The following TEX2 variants were observed in gnomAD, a reference collection of about 807,000 sequenced individuals.
TEX2 encodes testis expressed 2, also known as testis-expressed protein 2.
A neutral mutation model predicts 106.9 loss-of-function variants in TEX2; 53 were observed. That is an observed-to-expected ratio of 0.50 (90% CI 0.40 to 0.62). TEX2 has a LOEUF of 0.62. Ranked by LOEUF, TEX2 falls within the 20% of genes least tolerant of loss-of-function variation. The probability of loss-of-function intolerance (pLI) is 0.00; values close to 1 mark genes in which losing one functional copy is unlikely to be tolerated. For missense variants in TEX2, 1,207 were observed against 1,379.0 expected (o/e 0.88, Z 1.98); for synonymous variants, 523 against 534.8 (o/e 0.98, Z 0.30).
intron 2 of TEX2, among the ~76,000 whole-genome samples, chr17:64,200,794 T>C (rs1251361631): frequency 2.0e-5 from 3 of 152,210 alleles, no homozygotes; most frequent in Non-Finnish European, 4.4e-5. Flanking sequence ...TGCGAAAGCC[T>C]GGAGGGGACC....
At chr17:64,255,590 T>C (rs1175163977) in intron 1 of TEX2, 4 of 152,218 alleles carry the variant, frequency 2.6e-5, no homozygotes, top group Non-Finnish European at 5.9e-5. Context: ...CAAAAGATAT[T>C]TTGAAAAACT....
chr17:64,186,536 G>A (rs1395853877), intron 5 of TEX2, among the ~76,000 whole-genome samples: 6 of 152,188 alleles, frequency 3.9e-5, no homozygotes, highest in Admixed American at 3.3e-4. Context: ...GTCAAACACA[G>A]CCAAGGGCGG....
intron 1 of TEX2, among the ~76,000 whole-genome samples, chr17:64,260,823 T>C (rs782234397): frequency 7.2e-5 from 11 of 152,110 alleles, no homozygotes; most frequent in Non-Finnish European, 1.2e-4. Flanking sequence ...CTGAGGGATA[T>C]TCAGGCAAAG....
rs192661892 is a variant in TEX2 at position 64,234,622 on chromosome 17, G to A, written c.-25-20380C>T. ...CAGCCTCACTGGGTCTGGATCTGTC[G>A]AATGAGGACCATGATGGTAAAACCC... is the stretch of plus-strand genomic sequence containing the variant. On this transcript the variant is annotated intron_variant, in intron 1 of 11. Transcript: ENST00000584379. Among the ~76,000 whole-genome samples the A allele has an allele frequency of 3.9e-5, 6 of 152,272 alleles. No individual in the cohort carries two copies. In the East Asian group the frequency reaches 7.7e-4, roughly 20 times the overall value.
intron 10 of TEX2, among the ~76,000 whole-genome samples, chr17:64,151,192 G>T (rs1567903471): frequency 6.6e-6 from 1 of 152,136 alleles, no homozygotes; most frequent in Non-Finnish European, 1.5e-5. Context: ...GACAAACTGA[G>T]AGAGCCAGGA....
At chr17:64,194,870 T>A in intron 3 of TEX2, 25 bp downstream of exon 3, 1 of 1,610,412 alleles carries the variant, frequency 6.2e-7, no homozygotes, top group Non-Finnish European at 8.5e-7. Flanking sequence ...ATCTAAGCTA[T>A]CCTTCCAAAA....
intron 9 of TEX2, among the ~76,000 whole-genome samples, 152 bp downstream of exon 9, chr17:64,154,686 AACAG>A (rs10546895): frequency 0.16 from 24,092 of 152,020 alleles, 2,698 homozygotes; most frequent in African/African-American, 0.31. Flanking sequence ...CTGGAATTTA[AACAG>A]ACCACTGACC....
intron 9 of TEX2, among the ~76,000 whole-genome samples, chr17:64,154,168 A>G (rs932520572): frequency 6.6e-6 from 1 of 152,158 alleles, no homozygotes; most frequent in Admixed American, 6.5e-5. Flanking sequence ...TTTGGCACCA[A>G]CTCCTCAAAC....
chr17:64,200,466 G>A (rs1283906857), intron 2 of TEX2, among the ~76,000 whole-genome samples: 1 of 152,202 alleles, frequency 6.6e-6, no homozygotes, highest in Non-Finnish European at 1.5e-5. Context: ...CACCTTAGCT[G>A]AAGAACAGCC....
At chr17:64,248,491 A>G (rs1428519658) in intron 1 of TEX2, among the ~76,000 whole-genome samples, 6 of 152,222 alleles carry the variant, frequency 3.9e-5, no homozygotes, top group Non-Finnish European at 8.8e-5. Flanking sequence ...CTGTTTTCTA[A>G]GCAGTGTCAT....
chr17:64,237,219 G>C (rs1176991872), intron 1 of TEX2, among the ~76,000 whole-genome samples: 3 of 152,078 alleles, frequency 2.0e-5, no homozygotes, highest in African/African-American at 4.8e-5. Flanking sequence ...AACAAGAAGG[G>C]TAAGAGTAAG....
intron 1 of TEX2, among the ~76,000 whole-genome samples, chr17:64,230,264 TG>T (rs1449555701): frequency 1.2e-4 from 19 of 152,232 alleles, no homozygotes; most frequent in African/African-American, 4.6e-4. Context: ...AGCTGGCCCA[TG>T]GGGACCTGAC....
chr17:64,178,808 C>T (rs1371816185), intron 5 of TEX2, among the ~76,000 whole-genome samples: 2 of 152,274 alleles, frequency 1.3e-5, no homozygotes, highest in Admixed American at 6.5e-5. Context: ...ATCACCTCCA[C>T]GCTTTGTGCT....
intron 4 of TEX2, among the ~76,000 whole-genome samples, chr17:64,190,219 T>C (rs1009290864): frequency 1.3e-5 from 2 of 152,202 alleles, no homozygotes; most frequent in African/African-American, 4.8e-5. Context: ...ACCGTTTTCA[T>C]GTTTAGCATT....
In TEX2 at chr17:64,178,589, CT is replaced by C. The variant is rs1210780668; in HGVS notation, c.2425-1119del. On this transcript the variant is annotated intron_variant, in intron 5 of 11. Transcript: ENST00000584379. ...GGGTGGGGGAAGGGGAGCTGGCCCC[CT>C]GATATGGCAGACATTTTCCTGTGCT... is the stretch of plus-strand genomic sequence containing the variant. Among the ~76,000 whole-genome samples, 20 of 152,330 alleles carry C rather than the reference CT, an allele frequency of 1.3e-4. 1 individual carries two copies. The highest frequency in any genetic ancestry group is 4.6e-4 in the African/African-American group (19 of 41,564).
intron 1 of TEX2, among the ~76,000 whole-genome samples, chr17:64,233,813 C>A (rs1555634835): frequency 6.6e-6 from 1 of 152,172 alleles, no homozygotes; most frequent in African/African-American, 2.4e-5. Flanking sequence ...TTTAAAATAT[C>A]TGAAGAATCA....
intron 2 of TEX2, among the ~76,000 whole-genome samples, chr17:64,212,089 A>C (rs1003380763): frequency 2.0e-5 from 3 of 152,232 alleles, no homozygotes; most frequent in Non-Finnish European, 2.9e-5. Flanking sequence ...GCAGTGAAAG[A>C]TGACATCTTT....
At chr17:64,156,779 C>T (rs1259847076) in intron 8 of TEX2, among the ~76,000 whole-genome samples, 2 of 152,194 alleles carry the variant, frequency 1.3e-5, no homozygotes, top group Non-Finnish European at 2.9e-5. Flanking sequence ...TGCTCCTCAC[C>T]CACAAAGCAC....
In TEX2 at chr17:64,148,872, C is replaced by A; in HGVS notation, c.*97G>T. On this transcript the variant is annotated 3_prime_UTR_variant, in exon 12 of 12. Coordinates refer to ENST00000584379, the MANE Select transcript of TEX2 (RefSeq NM_001288732.2). ...GAAGCAGTCCTTTAAGAAACAGTAG[C>A]TGTGGCACAGAGGCCAGTGCTACAG... The A allele has an allele frequency of 1.3e-6, 2 of 1,483,306 alleles. No individual in the cohort carries two copies. The highest frequency in any genetic ancestry group is 1.8e-6 in the Non-Finnish European group (2 of 1,088,378). The allele number at this position is 1,483,306 out of a possible 1,614,324, so 91.9% of individuals were successfully genotyped here.
Sources: allele counts gnomAD v4.1 joint callset (sites outside exome capture counted in the v4.1 genomes callset), GRCh38; gene constraint gnomAD v4.1.1; transcripts MANE v1.5; gene names NCBI Gene and HGNC (gene_info 2026-07-23, HGNC 2026-07-21).